ALS2CL: variants seen among roughly 807,000 people sequenced by gnomAD.
The protein encoded by ALS2CL is ALS2 C-terminal-like protein.
ALS2CL carries 112 observed loss-of-function variants against 127.9 expected under a neutral mutation model. The ratio of observed to expected loss-of-function variants is 0.88; its 90% CI spans 0.75 to 1.02. The LOEUF is 1.02. Ranked by LOEUF, ALS2CL falls within the 50% of genes least tolerant of loss-of-function variation. ALS2CL has a pLI of 0.00. For synonymous variants in ALS2CL, 519 were observed against 527.6 expected, an observed-to-expected ratio of 0.98 and a Z score of 0.22; for missense variants, 1,174 against 1,236.7, an observed-to-expected ratio of 0.95 and a Z score of 0.76.
At chr3:46,692,338 G>A (rs1042564498) in intron 1 of ALS2CL, among the ~76,000 whole-genome samples, 1 of 152,118 alleles carries the variant, frequency 6.6e-6, no homozygotes, top group Non-Finnish European at 1.5e-5. Context: ...GGAGGATCCT[G>A]CAGGAGTACC....
rs141179686 is a variant in ALS2CL, at chr3:46,687,071, G to A, written c.446C>T (p.Ser149Leu). The change falls in exon 5 of 26, where the codon TCG becomes TTG. Residue 149 changes from serine (S) to leucine (L), a missense_variant. Ser to Leu is a moderately radical substitution (Grantham distance 145). Coordinates refer to ENST00000318962, the MANE Select transcript of ALS2CL (RefSeq NM_147129.5). ...TGGCTGGTGGAGGGCCTGGCCCAGC[G>A]ATGCGCCCACCGAGCCCTCTGAGCT... ...GVSSEGSVGA[S>L]LGQALHQPLA... 26 of 1,594,856 alleles carry A rather than the reference G, an allele frequency of 1.6e-5. No homozygotes were observed. Among genetic ancestry groups the A allele is most frequent in the Middle Eastern group, 1.7e-4 (1 of 5,918 alleles).
Position 46,683,129 on chromosome 3 carries a change from C to A in ALS2CL, c.1109+1G>T, listed in dbSNP as rs1221479257. On this transcript the variant is annotated splice_donor_variant, in intron 10 of 25. Coordinates refer to ENST00000318962, the MANE Select transcript of ALS2CL (RefSeq NM_147129.5). LOFTEE classifies it high-confidence loss of function. ...TGCCACCCAGAGCTCCAGCCACTCA[C>A]TTGCCGTGGGGCCGGCCCCTGCACC... 1.3e-6 allele frequency: 2 copies of A among 1,558,116 alleles called. No individual in the cohort carries two copies. The highest frequency in any genetic ancestry group is 2.7e-5 in the African/African-American group (2 of 72,832).
rs767070361 is a variant in ALS2CL, at chr3:46,685,571, C to T, written c.740G>A (p.Arg247Gln). The change falls in exon 7 of 26, where the codon CGG (arginine) becomes CAG (glutamine). Residue 247 changes from arginine (R) to glutamine (Q), a missense_variant. Coordinates refer to ENST00000318962, the MANE Select transcript of ALS2CL (RefSeq NM_147129.5). ...ATCAAAGAGCAGCACACGCTCAGCC[C>T]GCAACGGTGCGACCGTCACGGGTAC... ...QDVPVTVAPLRAERVLLFDDA... is the reference protein window; with the variant it reads ...QDVPVTVAPLQAERVLLFDDA... 4.3e-6 allele frequency: 7 copies of T among 1,613,900 alleles called. No individual in the cohort carries two copies. Among genetic ancestry groups the T allele is most frequent in the African/African-American group, 1.3e-5 (1 of 74,920 alleles).
chr3:46,669,961 G>C lies in ALS2CL; in HGVS notation c.*1023C>G, dbSNP rs1698268839. On this transcript the variant is annotated 3_prime_UTR_variant, in exon 26 of 26. Coordinates refer to ENST00000318962, the MANE Select transcript of ALS2CL (RefSeq NM_147129.5). ...CTCAGGGCCTAGGGAATGGGACCAA[G>C]AGTGATCCAGCTTCTTCTCCAGAGC... The C allele has an allele frequency of 6.6e-6, 1 of 152,302 alleles. No individual in the cohort carries two copies. Among genetic ancestry groups the C allele is most frequent in the African/African-American group, 2.4e-5 (1 of 41,448 alleles). The allele number at this position is 152,302 out of a possible 1,614,324, so 9.4% of individuals were successfully genotyped here.
intron 1 of ALS2CL, among the ~76,000 whole-genome samples, chr3:46,692,340 A>C (rs1373664333): frequency 6.6e-6 from 1 of 152,152 alleles, no homozygotes; most frequent in Non-Finnish European, 1.5e-5. Context: ...AGGATCCTGC[A>C]GGAGTACCCC....
chr3:46,684,361 T>TG (rs1699608431), intron 7 of ALS2CL, among the ~76,000 whole-genome samples: 1 of 152,012 alleles, frequency 6.6e-6, no homozygotes, highest in Admixed American at 6.6e-5. Context: ...TCCTACTGCC[T>TG]GGGGGTTGAG....
At position 46,674,623 on chromosome 3, in the gene ALS2CL, A is replaced by G. The variant is rs1698663602; in HGVS notation, c.2372T>C (p.Ile791Thr). The G allele has an allele frequency of 6.2e-7, 1 of 1,614,102 alleles. No homozygotes were observed. Among genetic ancestry groups the G allele is most frequent in the African/African-American group, 1.3e-5 (1 of 75,032 alleles). The stretch of plus-strand genomic sequence containing the variant: ...ATCAGGAAAGAGGCTCAAGTTGGCA[A>G]TGCCCTGGCTGTAGAAGCTGTCCTC... ...EREDSFYSQG[I>T]ANLSLFPDTQ... Residue 791 changes from isoleucine (I) to threonine (T), a missense_variant, in exon 21 of 26, where the codon ATT (isoleucine) becomes ACT (threonine). By Grantham distance (89) the Ile-to-Thr change is moderately conservative. Transcript: ENST00000318962.
Position 46,688,160 on chromosome 3 carries a change from G to A in ALS2CL, c.240C>T (p.Ser80=). 1.2e-6 allele frequency: 2 copies of A among 1,613,110 alleles called. No individual in the cohort carries two copies. Among genetic ancestry groups the A allele is most frequent in the Non-Finnish European group, 1.7e-6 (2 of 1,180,000 alleles). ...SLQERLRYPD[S]TGLESLLLLR... Reference sequence around the variant, plus strand: ...GCAGCAGCAGGGACTCCAGACCGGTGGAGTCCGGGTAACGCAGCCTCTCCT... The same window carrying A: ...GCAGCAGCAGGGACTCCAGACCGGTAGAGTCCGGGTAACGCAGCCTCTCCT... Residue 80 remains serine (S), a synonymous_variant, in exon 3 of 26, where the codon TCC becomes TCT. Transcript: ENST00000318962.
rs1698482539 is a variant in ALS2CL, at chr3:46,672,476, G to C, written c.2473-275C>G. Among the ~76,000 whole-genome samples the C allele has an allele frequency of 3.9e-5, 6 of 152,236 alleles. No individual in the cohort carries two copies. The South Asian group carries it at 1.2e-3, about 32-fold the overall frequency. ...AATCATAACAGGCACTGGCCACTGG[G>C]TGCCGCCCAGTTCTGAGTGCCTATG... On this transcript the variant is annotated intron_variant, in intron 22 of 25. Transcript: ENST00000318962.
intron 21 of ALS2CL, among the ~76,000 whole-genome samples, chr3:46,673,761 C>T (rs1001647294): frequency 3.9e-5 from 6 of 152,008 alleles, no homozygotes; most frequent in Non-Finnish European, 4.4e-5. Flanking sequence ...GTGAGGGAGG[C>T]GGGGCATGCT....
intron 16 of ALS2CL, chr3:46,677,327 G>A (rs757771426): frequency 8.4e-6 from 10 of 1,195,066 alleles, no homozygotes; most frequent in Non-Finnish European, 1.0e-5. Context: ...GGGGGTCTTG[G>A]TCCAAGAGAG....
In ALS2CL at chr3:46,684,139, T is replaced by C. The variant is rs1042717910; in HGVS notation, c.787-92A>G. ...GGCTTGCCCCAAGCTCAACCTTGTG[T>C]GGCCACCAAGGCTATTCTGCCCAGC... On this transcript the variant is annotated intron_variant, in intron 7 of 25. Transcript: ENST00000318962. 1.0e-4 allele frequency: 144 copies of C among 1,433,372 alleles called. 1 individual carries two copies. Among genetic ancestry groups the C allele is most frequent in the Middle Eastern group, 7.1e-4 (3 of 4,202 alleles). 88.8% of individuals were successfully genotyped at this position (1,433,372 alleles called of 1,614,324 possible).
In ALS2CL at chr3:46,673,033, T is replaced by G. The variant is rs185759177; in HGVS notation, c.2472+306A>C. Among the ~76,000 whole-genome samples the G allele has an allele frequency of 7.2e-5, 11 of 152,146 alleles. No homozygotes were observed. In the East Asian group the frequency reaches 2.1e-3, roughly 29 times the overall value. ...AAAGTAAATAAATAAATAAATAAAA[T>G]AAGAATTTTGAGGTTGTTCTAGTGT... On this transcript the variant is annotated intron_variant, in intron 22 of 25. Coordinates refer to ENST00000318962, the MANE Select transcript of ALS2CL (RefSeq NM_147129.5).
At chr3:46,676,479 A>G in intron 18 of ALS2CL, 77 bp from the exon 19 acceptor site, 1 of 1,591,356 alleles carries the variant, frequency 6.3e-7, no homozygotes, top group Non-Finnish European at 8.6e-7. Context: ...CAGCCTCCCA[A>G]CACTTCTCCC....
chr3:46,688,001 C>T, intron 3 of ALS2CL, 97 bp downstream of exon 3: 16 of 1,441,684 alleles, frequency 1.1e-5, no homozygotes, highest in Non-Finnish European at 1.5e-5. Flanking sequence ...TTTGCTTGAA[C>T]CCTGACCCAT....
chr3:46,690,944 C>T (rs997689698), intron 1 of ALS2CL, among the ~76,000 whole-genome samples: 23 of 152,332 alleles, frequency 1.5e-4, no homozygotes, highest in African/African-American at 5.1e-4. Flanking sequence ...GCCAAAGGCC[C>T]AGGCCAGGCA....
rs752791886 is a variant in ALS2CL at position 46,683,147 on chromosome 3, C to T, written c.1092G>A (p.Arg364=). The T allele has an allele frequency of 6.3e-7, 1 of 1,595,810 alleles. No homozygotes were observed. Among genetic ancestry groups the T allele is most frequent in the South Asian group, 1.1e-5 (1 of 88,464 alleles). The change falls in exon 10 of 26, where the codon AGG becomes AGA. Residue 364 remains arginine (R), a synonymous_variant. Coordinates refer to ENST00000318962, the MANE Select transcript of ALS2CL (RefSeq NM_147129.5). ...CQATYEGEWC[R]GRPHGKGTLK... ...CCACTCACTTGCCGTGGGGCCGGCC[C>T]CTGCACCACTCGCCCTCGTAGGTGG... is the stretch of plus-strand genomic sequence containing the variant.
intron 23 of ALS2CL, 40 bp from the exon 24 acceptor site, chr3:46,672,073 T>G: frequency 1.2e-6 from 2 of 1,613,996 alleles, no homozygotes; most frequent in South Asian, 2.2e-5. Flanking sequence ...GGCCCTTGGT[T>G]CAGTCCCAAC....
chr3:46,675,805 G>T (rs1400529663), intron 19 of ALS2CL, 119 bp from the exon 20 acceptor site: 25 of 1,539,030 alleles, frequency 1.6e-5, no homozygotes, highest in Non-Finnish European at 2.1e-5. Flanking sequence ...TGGCCTGCAG[G>T]GTTCATCCTC....
Sources: gnomAD v4.1 joint callset for allele counts (sites outside exome capture counted in the v4.1 genomes callset) on GRCh38, gnomAD v4.1.1 for gene constraint, MANE v1.5 for transcripts, NCBI Gene and HGNC (gene_info 2026-07-23, HGNC 2026-07-21) for gene names.